Variants in RPS6KA5 observed in about 807,000 individuals in gnomAD.
The protein encoded by RPS6KA5 is ribosomal protein S6 kinase A5.
In RPS6KA5, 27 loss-of-function variants were observed where a neutral mutation model predicts 85.5. That is an observed-to-expected ratio of 0.32 (90% CI 0.23 to 0.44). The LOEUF is 0.44. RPS6KA5 is among the 20% of genes least tolerant of loss of function. The pLI is 1.00. For synonymous variants in RPS6KA5, 334 were observed against 348.2 expected (o/e 0.96, Z 0.46); for missense variants, 811 against 980.9 (o/e 0.83, Z 2.31).
At chr14:91,044,335 TAGAC>T (rs1458036224) in intron 1 of RPS6KA5, among the ~76,000 whole-genome samples, 5 of 56,668 alleles carry the variant, frequency 8.8e-5, no homozygotes, top group Admixed American at 1.9e-4. Context: ...GAGAGAAAGA[TAGAC>T]AAAGAAAGAA....
In RPS6KA5 at chr14:90,920,199, A is replaced by G. The variant is rs1247031044; in HGVS notation, c.806+7T>C. On this transcript the variant is annotated splice_region_variant and intron_variant, in intron 7 of 16. Transcript: ENST00000614987. ...CAATGCATTTATTTTATTTTGTCAA[A>G]TCTTACCTAGATATCTCAGCTTGGG... is the stretch of plus-strand genomic sequence containing the variant. 1.3e-6 allele frequency: 2 copies of G among 1,532,234 alleles called. No individual in the cohort carries two copies. Among genetic ancestry groups the G allele is most frequent in the African/African-American group, 2.7e-5 (2 of 73,252 alleles). 94.9% of individuals were successfully genotyped at this position (1,532,234 alleles called of 1,614,324 possible).
chr14:90,935,897 A>G (rs1254775869), intron 5 of RPS6KA5, among the ~76,000 whole-genome samples: 1 of 152,228 alleles, frequency 6.6e-6, no homozygotes, highest in Non-Finnish European at 1.5e-5. Flanking sequence ...CCTTTTTGAC[A>G]TTATTTGCTT....
intron 1 of RPS6KA5, among the ~76,000 whole-genome samples, chr14:91,059,406 CA>C (rs1234517990): frequency 6.7e-6 from 1 of 150,278 alleles, no homozygotes; most frequent in Non-Finnish European, 1.5e-5. Context: ...CGCTCACAAA[CA>C]TATCTAGTAA....
chr14:91,023,753 A>G (rs2041883302), intron 1 of RPS6KA5, among the ~76,000 whole-genome samples: 1 of 122,318 alleles, frequency 8.2e-6, no homozygotes, highest in Admixed American at 8.5e-5. Flanking sequence ...CAACCTAACT[A>G]TCCTTCCGTT....
intron 5 of RPS6KA5, among the ~76,000 whole-genome samples, chr14:90,924,150 C>T (rs10147911): frequency 0.08 from 12,103 of 152,004 alleles, 887 homozygotes; most frequent in African/African-American, 0.2. Context: ...GTTGAGAAGT[C>T]CCAATCACTG....
intron 11 of RPS6KA5, 88 bp downstream of exon 11, chr14:90,900,020 A>G: frequency 8.5e-7 from 1 of 1,169,860 alleles, no homozygotes; most frequent in Admixed American, 2.7e-5. Context: ...CTTACAATAT[A>G]ATACTGGTTT....
chr14:91,052,285 TAAAAAAAAAA>T (rs57523052), intron 1 of RPS6KA5: 689 of 212,522 alleles, frequency 3.2e-3, no homozygotes, highest in Admixed American at 5.1e-3. Flanking sequence ...CCATCTCTAC[TAAAAAAAAAA>T]AAAAAAAAAA....
chr14:90,998,186 G>A (rs539148920), intron 2 of RPS6KA5, among the ~76,000 whole-genome samples: 2 of 152,232 alleles, frequency 1.3e-5, no homozygotes, highest in South Asian at 2.1e-4. Context: ...TCAGTTAGTG[G>A]TTGTTTAGGA....
chr14:91,054,640 A>G (rs2139965049), intron 1 of RPS6KA5, among the ~76,000 whole-genome samples: 1 of 151,104 alleles, frequency 6.6e-6, no homozygotes, highest in Non-Finnish European at 1.5e-5. Flanking sequence ...TGTCTCAGAA[A>G]AAAAAAAAAA....
At position 90,875,231 on chromosome 14, in the gene RPS6KA5, C is replaced by A; in HGVS notation, c.1966G>T (p.Val656Leu). The A allele has an allele frequency of 6.2e-7, 1 of 1,613,786 alleles. No individual in the cohort carries two copies. Among genetic ancestry groups the A allele is most frequent in the Non-Finnish European group, 8.5e-7 (1 of 1,179,802 alleles). Reference sequence around the variant, plus strand: ...ATCAAATCTTTAGCCTCTTGGGATACATTCTTCCAGGCTTCTCCTTCAAAG... The same window carrying A: ...ATCAAATCTTTAGCCTCTTGGGATAAATTCTTCCAGGCTTCTCCTTCAAAG... ...FSFEGEAWKN[V>L]SQEAKDLIQG... The change falls in exon 15 of 17, where the codon GTA becomes TTA. Residue 656 changes from valine to leucine, a missense_variant. By Grantham distance (32) the Val-to-Leu change is conservative. Around this residue, in one of 3 missense-constraint regions of RPS6KA5, gnomAD observed 650 missense variants for 793.4 expected, o/e 0.82. Coordinates refer to ENST00000614987, the MANE Select transcript of RPS6KA5 (RefSeq NM_004755.4).
intron 3 of RPS6KA5, among the ~76,000 whole-genome samples, chr14:90,965,612 C>T (rs559606562): frequency 1.3e-5 from 2 of 152,048 alleles, no homozygotes; most frequent in African/African-American, 4.8e-5. Flanking sequence ...GGGTAAAATG[C>T]TCACTAACCT....
chr14:91,060,424 T>G lies in RPS6KA5; in HGVS notation c.11A>C (p.Glu4Ala), dbSNP rs1274552217. The change falls in exon 1 of 17, where the codon GAG (glutamate) becomes GCG (alanine). Residue 4 changes from glutamate (E) to alanine (A), a missense_variant. By Grantham distance (107) the Glu-to-Ala change is moderately radical (BLOSUM62 -1). Around this residue, in one of 3 missense-constraint regions of RPS6KA5, gnomAD observed 113 missense variants for 100.0 expected, o/e 1.13. Coordinates refer to ENST00000614987, the MANE Select transcript of RPS6KA5 (RefSeq NM_004755.4). ...CGCGGCGCCGCCGCTGCTGCCACCC[T>G]CCTCCTCCATCTTCTCCTTTTTTTC... Reference protein sequence around the residue: MEEEGGSSGGAAGT... With the variant: MEEAGGSSGGAAGT... 19 of 1,489,714 alleles carry G rather than the reference T, an allele frequency of 1.3e-5. No individual in the cohort carries two copies. Among genetic ancestry groups the G allele is most frequent in the Non-Finnish European group, 1.6e-5 (18 of 1,112,090 alleles). The allele number at this position is 1,489,714 out of a possible 1,614,324, so 92.3% of individuals were successfully genotyped here. A position where few individuals can be genotyped will look rare whatever the true frequency, so the allele number is the denominator to read the frequency against.
chr14:90,962,101 A>C (rs2038826040), intron 3 of RPS6KA5, among the ~76,000 whole-genome samples: 1 of 152,214 alleles, frequency 6.6e-6, no homozygotes. Context: ...GACCAAGAGC[A>C]GCAGAAAGCT....
chr14:90,872,339 A>G lies in RPS6KA5; in HGVS notation c.2161-17T>C. The stretch of plus-strand genomic sequence containing the variant: ...GTTAAAGGCCTGGCGGGGGAAAAAA[A>G]GGGAACCCCTGTGAAGGTAAAAGTA... On this transcript the variant is annotated splice_polypyrimidine_tract_variant and intron_variant, in intron 16 of 16. Coordinates refer to ENST00000614987, the MANE Select transcript of RPS6KA5 (RefSeq NM_004755.4). The G allele has an allele frequency of 6.3e-7, 1 of 1,595,728 alleles. No homozygotes were observed. The highest frequency in any genetic ancestry group is 8.5e-7 in the Non-Finnish European group (1 of 1,173,544).
chr14:91,020,745 C>T (rs1047810007), intron 1 of RPS6KA5, among the ~76,000 whole-genome samples: 2 of 143,048 alleles, frequency 1.4e-5, no homozygotes, highest in African/African-American at 5.2e-5. Flanking sequence ...AGTATAAAAT[C>T]CAGTATATAA....
At chr14:90,918,674 T>C (rs954444281) in intron 7 of RPS6KA5, among the ~76,000 whole-genome samples, 1 of 152,224 alleles carries the variant, frequency 6.6e-6, no homozygotes, top group African/African-American at 2.4e-5. Context: ...CTATAATCCA[T>C]TTTGAGTTAA....
intron 14 of RPS6KA5, among the ~76,000 whole-genome samples, chr14:90,885,555 A>C (rs2034145051): frequency 9.8e-5 from 2 of 20,420 alleles, no homozygotes; most frequent in African/African-American, 3.0e-4. Context: ...TCCGTCTCAA[A>C]AAAAAAAAAA....
chr14:91,043,319 C>T (rs147865559), intron 1 of RPS6KA5, among the ~76,000 whole-genome samples: 6 of 152,276 alleles, frequency 3.9e-5, no homozygotes, highest in African/African-American at 2.4e-5. Context: ...TAACCTACTA[C>T]CTTGGCTTTA....
intron 7 of RPS6KA5, among the ~76,000 whole-genome samples, chr14:90,915,223 T>G (rs539076149): frequency 5.3e-5 from 8 of 152,216 alleles, no homozygotes; most frequent in African/African-American, 1.7e-4. Flanking sequence ...AAAGGGCTCA[T>G]GGTAGGCAGA....
Sources: gnomAD v4.1 joint callset for allele counts (sites outside exome capture counted in the v4.1 genomes callset) on GRCh38, gnomAD v4.1.1 for gene constraint, gnomAD v4.1.1 regional missense constraint, MANE v1.5 for transcripts, NCBI Gene and HGNC (gene_info 2026-07-23, HGNC 2026-07-21) for gene names.